FAM210A: variants seen among roughly 807,000 people sequenced by gnomAD.
FAM210A encodes family with sequence similarity 210 member A.
FAM210A carries 13 observed loss-of-function variants against 25.3 expected under a neutral mutation model. That is an observed-to-expected ratio of 0.51 (90% CI 0.33 to 0.82). FAM210A has a LOEUF of 0.82. Among genes scored for constraint, FAM210A ranks in the 40% least tolerant of loss-of-function variants. The pLI, the probability that FAM210A is intolerant of heterozygous loss-of-function variation, is 0.02. For missense variants in FAM210A, 319 were observed against 323.2 expected (o/e 0.99, Z 0.10); for synonymous variants, 125 against 118.7 (o/e 1.05, Z -0.35).
At chr18:13,682,310 T>C (rs1179057751) in intron 1 of FAM210A, among the ~76,000 whole-genome samples, 1 of 152,212 alleles carries the variant, frequency 6.6e-6, no homozygotes, top group Non-Finnish European at 1.5e-5. Flanking sequence ...CTCATACCTG[T>C]AACCCCAGCA....
chr18:13,693,011 A>G (rs1274000046), intron 1 of FAM210A, among the ~76,000 whole-genome samples: 2 of 152,224 alleles, frequency 1.3e-5, no homozygotes, highest in Non-Finnish European at 2.9e-5. Flanking sequence ...CAAGACTAAT[A>G]AAGAAGAAAA....
chr18:13,714,783 T>A (rs1228621720), intron 1 of FAM210A, among the ~76,000 whole-genome samples: 2 of 152,270 alleles, frequency 1.3e-5, no homozygotes, highest in South Asian at 4.1e-4. Flanking sequence ...GCTACAAAAA[T>A]ATGAGTCTGA....
At chr18:13,704,715 T>C (rs1202969181) in intron 1 of FAM210A, among the ~76,000 whole-genome samples, 1 of 152,206 alleles carries the variant, frequency 6.6e-6, no homozygotes, top group East Asian at 1.9e-4. Flanking sequence ...TTTAACTCTT[T>C]CAAGTTATAT....
rs540694429 is a variant in FAM210A at position 13,673,351 on chromosome 18, T to C, written c.474-1378A>G. 8.7e-5 allele frequency among the ~76,000 whole-genome samples: 13 copies of C among 149,064 alleles called. No homozygotes were observed. The South Asian group carries it at 2.6e-3, about 30-fold the overall frequency. On this transcript the variant is annotated intron_variant, in intron 2 of 3. Coordinates refer to ENST00000651643, the MANE Select transcript of FAM210A (RefSeq NM_152352.4). ...CTGAACCCCGACTTCATTTCCAGTT[T>C]CCTGATTATTAACATTCCTGAGCCC...
intron 1 of FAM210A, among the ~76,000 whole-genome samples, chr18:13,705,762 G>A (rs1350820704): frequency 1.3e-5 from 2 of 152,182 alleles, no homozygotes; most frequent in Admixed American, 1.3e-4. Flanking sequence ...ATGAGACACT[G>A]TGCCCAGCCT....
chr18:13,706,231 T>C (rs572555037), intron 1 of FAM210A, among the ~76,000 whole-genome samples: 3 of 152,234 alleles, frequency 2.0e-5, no homozygotes, highest in African/African-American at 7.2e-5. Flanking sequence ...CAGAAAAAGA[T>C]GGCATCCTTG....
intron 1 of FAM210A, among the ~76,000 whole-genome samples, chr18:13,684,202 C>A (rs752195467): frequency 7.9e-5 from 12 of 152,232 alleles, no homozygotes; most frequent in Non-Finnish European, 1.3e-4. Flanking sequence ...CGAGACCAGT[C>A]TGGCCAACAT....
chr18:13,666,867 T>TTCC (rs1051395354), intron 3 of FAM210A, among the ~76,000 whole-genome samples, 154 bp from the exon 4 acceptor site: 13 of 152,246 alleles, frequency 8.5e-5, no homozygotes, highest in African/African-American at 3.1e-4. Context: ...CTATATGGTT[T>TTCC]TCCCTCCTAA....
At chr18:13,699,223 T>C (rs2043719321) in intron 1 of FAM210A, among the ~76,000 whole-genome samples, 1 of 152,262 alleles carries the variant, frequency 6.6e-6, no homozygotes, top group Non-Finnish European at 1.5e-5. Context: ...CTTACTTTCC[T>C]ACTCCCTAAT....
intron 1 of FAM210A, among the ~76,000 whole-genome samples, chr18:13,700,575 C>T (rs536428207): frequency 9.8e-5 from 15 of 152,302 alleles, no homozygotes; most frequent in African/African-American, 3.6e-4. Context: ...CAGACTTTAC[C>T]TCTCACTTCT....
intron 1 of FAM210A, among the ~76,000 whole-genome samples, chr18:13,690,491 G>A (rs756847366): frequency 2.0e-5 from 3 of 152,194 alleles, no homozygotes; most frequent in Non-Finnish European, 4.4e-5. Context: ...AGCCTAACTG[G>A]GAGACACCTC....
At chr18:13,685,421 C>T (rs1355604626) in intron 1 of FAM210A, among the ~76,000 whole-genome samples, 3 of 151,976 alleles carry the variant, frequency 2.0e-5, no homozygotes, top group South Asian at 2.1e-4. Flanking sequence ...TTTAAAGGTC[C>T]GAATAGGAAA....
intron 1 of FAM210A, among the ~76,000 whole-genome samples, chr18:13,703,647 AAATCTTAC>A (rs1479045008): frequency 3.9e-5 from 6 of 152,198 alleles, no homozygotes; most frequent in Non-Finnish European, 7.3e-5. Context: ...GGAAATAAAA[AAATCTTAC>A]AACTACTTAA....
At chr18:13,678,565 C>T (rs1363572452) in intron 2 of FAM210A, among the ~76,000 whole-genome samples, 2 of 152,230 alleles carry the variant, frequency 1.3e-5, no homozygotes, top group Non-Finnish European at 2.9e-5. Context: ...GCTGGGATTA[C>T]AGGCGTGAGC....
intron 1 of FAM210A, among the ~76,000 whole-genome samples, chr18:13,684,723 T>C (rs1202260483): frequency 6.6e-6 from 1 of 152,204 alleles, no homozygotes; most frequent in Non-Finnish European, 1.5e-5. Flanking sequence ...CTGACATTTA[T>C]AGAATACTCC....
At chr18:13,712,079 A>G (rs1471238298) in intron 1 of FAM210A, among the ~76,000 whole-genome samples, 1 of 152,226 alleles carries the variant, frequency 6.6e-6, no homozygotes, top group Non-Finnish European at 1.5e-5. Context: ...AAGTTCACAA[A>G]TACACAGATT....
intron 1 of FAM210A, among the ~76,000 whole-genome samples, chr18:13,698,351 C>CA (rs11464991): frequency 0.2 from 14,394 of 72,780 alleles, 1,988 homozygotes; most frequent in African/African-American, 0.31. Flanking sequence ...GACTCCATCT[C>CA]AAAAAAAAAA....
chr18:13,700,626 C>G (rs1326162160), intron 1 of FAM210A, among the ~76,000 whole-genome samples: 2 of 152,194 alleles, frequency 1.3e-5, no homozygotes, highest in African/African-American at 2.4e-5. Flanking sequence ...CATCACTTGT[C>G]CAGAATCCTT....
At chr18:13,707,018 T>G (rs992641882) in intron 1 of FAM210A, among the ~76,000 whole-genome samples, 4 of 152,238 alleles carry the variant, frequency 2.6e-5, no homozygotes, top group Non-Finnish European at 5.9e-5. Context: ...CTCCCTGGTG[T>G]GCTGTATTCT....
Sources: gnomAD v4.1 joint callset for allele counts (sites outside exome capture counted in the v4.1 genomes callset) on GRCh38, gnomAD v4.1.1 for gene constraint, MANE v1.5 for transcripts, NCBI Gene and HGNC (gene_info 2026-07-23, HGNC 2026-07-21) for gene names.